Variants in FNIP1 observed in about 807,000 individuals in gnomAD.
FNIP1 encodes the protein folliculin interacting protein 1.
In FNIP1, 40 loss-of-function variants were observed where a neutral mutation model predicts 124.5. The observed-to-expected ratio is 0.32, with a 90% CI of 0.25 to 0.42. The LOEUF (loss-of-function observed/expected upper bound fraction) is 0.42, where lower values mean the gene tolerates loss of function less well. Ranked by LOEUF, FNIP1 falls within the 10% of genes least tolerant of loss-of-function variation. The pLI, the probability that FNIP1 is intolerant of heterozygous loss-of-function variation, is 1.00. For synonymous variants in FNIP1, 472 were observed against 470.6 expected (o/e 1.00, Z -0.04); for missense variants, 1,176 against 1,403.7 (o/e 0.84, Z 2.59).
chr5:131,758,286 C>T (rs570734939), intron 1 of FNIP1, among the ~76,000 whole-genome samples: 1 of 152,168 alleles, frequency 6.6e-6, no homozygotes, highest in Admixed American at 6.5e-5. Flanking sequence ...GTTCTGGATA[C>T]AGCTGGCTGG....
chr5:131,646,741 T>A (rs184230573), intron 17 of FNIP1, among the ~76,000 whole-genome samples: 332 of 152,330 alleles, frequency 2.2e-3, no homozygotes, highest in African/African-American at 5.9e-3. Context: ...AGACTTCTGT[T>A]ACCTCAACCA....
intron 3 of FNIP1, among the ~76,000 whole-genome samples, chr5:131,725,539 T>C (rs1769831487): frequency 6.6e-6 from 1 of 152,240 alleles, no homozygotes; most frequent in South Asian, 2.1e-4. Flanking sequence ...TTTTTGCACA[T>C]TGATTTTGTA....
rs1265833650 is a variant in FNIP1 at position 131,709,280 on chromosome 5, T to G, written c.707-8A>C. On this transcript the variant is annotated splice_polypyrimidine_tract_variant and splice_region_variant and intron_variant, in intron 7 of 17. Coordinates refer to ENST00000510461, the MANE Select transcript of FNIP1 (RefSeq NM_133372.3). ...CCATTGGGTTGCTGTGAACTATAAA[T>G]AAAGATGAAACTGTCAGTTATAAAA... 1.9e-6 allele frequency: 3 copies of G among 1,612,156 alleles called. No homozygotes were observed. Among genetic ancestry groups the G allele is most frequent in the East Asian group, 4.5e-5 (2 of 44,858 alleles).
At chr5:131,755,219 G>A (rs1015236496) in intron 1 of FNIP1, among the ~76,000 whole-genome samples, 6 of 152,070 alleles carry the variant, frequency 3.9e-5, no homozygotes, top group African/African-American at 1.4e-4. Context: ...TGAGGAGTTT[G>A]AGATCAGCCT....
rs185499931 is a variant in FNIP1 at position 131,777,227 on chromosome 5, C to A, written c.92+19603G>T. Among the ~76,000 whole-genome samples, 513 of 151,294 alleles carry A rather than the reference C, an allele frequency of 3.4e-3. 4 individuals carry two copies. Among genetic ancestry groups the A allele is most frequent in the African/African-American group, 0.012 (488 of 41,324 alleles). ...AAAAGAAATATTTTAAAAATTAAAA[C>A]AAAATTTAATTTGAATTGGAACTTT... On this transcript the variant is annotated intron_variant, in intron 1 of 17. Transcript: ENST00000510461.
At chr5:131,652,301 C>T (rs1462654645) in intron 15 of FNIP1, among the ~76,000 whole-genome samples, 1 of 152,246 alleles carries the variant, frequency 6.6e-6, no homozygotes, top group East Asian at 1.9e-4. Context: ...TAAGTGTCTA[C>T]TATGTGCCAG....
intron 1 of FNIP1, among the ~76,000 whole-genome samples, chr5:131,790,300 G>T (rs929069986): frequency 6.6e-6 from 1 of 151,846 alleles, no homozygotes; most frequent in African/African-American, 2.4e-5. Context: ...GCAACGTGGC[G>T]AAACCCCGTG....
At chr5:131,703,086 T>C (rs1768957079) in intron 10 of FNIP1, among the ~76,000 whole-genome samples, 1 of 152,238 alleles carries the variant, frequency 6.6e-6, no homozygotes, top group Non-Finnish European at 1.5e-5. Context: ...TTATCAAATC[T>C]GTTTCGCTTG....
rs201820707 is a variant in FNIP1 at position 131,768,245 on chromosome 5, T to A, written c.93-23555A>T. On this transcript the variant is annotated intron_variant, in intron 1 of 17. Transcript: ENST00000510461. ...TGGCAAATAGTAGATTTCTACACCA[T>A]AAGAGCTATCATGTATCATAATATG... Among the ~76,000 whole-genome samples the A allele has an allele frequency of 6.6e-5, 10 of 152,302 alleles. No individual in the cohort carries two copies. In the East Asian group the frequency reaches 1.9e-3, roughly 29 times the overall value.
intron 5 of FNIP1, among the ~76,000 whole-genome samples, chr5:131,717,174 C>T (rs551275081): frequency 6.7e-6 from 1 of 148,880 alleles, no homozygotes; most frequent in African/African-American, 2.5e-5. Flanking sequence ...TGTGTGATGT[C>T]CCCCTTCCTG....
chr5:131,761,204 T>A (rs975524698), intron 1 of FNIP1, among the ~76,000 whole-genome samples: 1 of 152,184 alleles, frequency 6.6e-6, no homozygotes, highest in Non-Finnish European at 1.5e-5. Flanking sequence ...CATTTAATTT[T>A]TTGGTCCTAC....
At chr5:131,771,062 A>T (rs1417100893) in intron 1 of FNIP1, among the ~76,000 whole-genome samples, 1 of 152,092 alleles carries the variant, frequency 6.6e-6, no homozygotes, top group Admixed American at 6.6e-5. Context: ...AGCATTAGGT[A>T]TATCTCCCAA....
chr5:131,745,313 G>A (rs534116571), intron 1 of FNIP1, among the ~76,000 whole-genome samples: 19 of 152,240 alleles, frequency 1.2e-4, no homozygotes, highest in African/African-American at 4.6e-4. Flanking sequence ...GAGCCCAGGA[G>A]TTCAAGACCA....
At chr5:131,710,967 G>C (rs1305193837) in intron 6 of FNIP1, among the ~76,000 whole-genome samples, 1 of 152,094 alleles carries the variant, frequency 6.6e-6, no homozygotes, top group East Asian at 1.9e-4. Context: ...CTAATGTAAA[G>C]CAGTATTTTT....
At position 131,677,835 on chromosome 5, in the gene FNIP1, G is replaced by A; in HGVS notation, c.1387C>T (p.His463Tyr). The change falls in exon 13 of 18, where the codon CAT (histidine) becomes TAT (tyrosine). Residue 463 changes from histidine to tyrosine, a missense_variant. Transcript: ENST00000510461. ...ATGACTGTTGGAACCCAGGCAAGAT[G>A]ATTGGTCAGAACTGCAGTAATGAGA... ...PALITAVLTN[H>Y]LAWVPTVMPN... 5 of 1,614,114 alleles carry A rather than the reference G, an allele frequency of 3.1e-6. No homozygotes were observed. The highest frequency in any genetic ancestry group is 4.2e-6 in the Non-Finnish European group (5 of 1,179,990).
At chr5:131,795,709 T>C (rs1159024278) in intron 1 of FNIP1, 1 of 152,244 alleles carries the variant, frequency 6.6e-6, no homozygotes, top group Non-Finnish European at 1.5e-5. Context: ...AGACCTGCAT[T>C]AGCAAGAGAG....
intron 4 of FNIP1, 108 bp downstream of exon 4, chr5:131,719,208 AT>A (rs1769572950): frequency 8.5e-7 from 1 of 1,170,046 alleles, no homozygotes; most frequent in Admixed American, 2.2e-5. Flanking sequence ...AACATGTTAA[AT>A]GGAGTATGAC....
intron 11 of FNIP1, among the ~76,000 whole-genome samples, chr5:131,683,116 T>G (rs998061622): frequency 6.6e-6 from 1 of 152,222 alleles, no homozygotes; most frequent in Non-Finnish European, 1.5e-5. Flanking sequence ...CATTTAAAGA[T>G]TATGTCATTG....
intron 15 of FNIP1, among the ~76,000 whole-genome samples, chr5:131,665,991 T>C (rs1457171357): frequency 1.4e-5 from 2 of 147,072 alleles, no homozygotes; most frequent in Non-Finnish European, 3.0e-5. Context: ...AAGCTCCGCC[T>C]CCTGGGTTCA....
Sources: gnomAD v4.1 joint callset for allele counts (sites outside exome capture counted in the v4.1 genomes callset) on GRCh38, gnomAD v4.1.1 for gene constraint, MANE v1.5 for transcripts, NCBI Gene and HGNC (gene_info 2026-07-23, HGNC 2026-07-21) for gene names.